WDR17: variants seen among roughly 807,000 people sequenced by gnomAD.
The protein encoded by WDR17 is WD repeat-containing protein 17.
Under a neutral mutation model 161.7 loss-of-function variants are expected in WDR17, and 143 were observed. That is an observed-to-expected ratio of 0.88 (90% CI 0.77 to 1.02). The LOEUF is 1.02. Among genes scored for constraint, WDR17 ranks in the 50% least tolerant of loss-of-function variants. The pLI is 0.00. For missense variants in WDR17, 1,469 were observed against 1,520.9 expected (o/e 0.97, Z 0.57); for synonymous variants, 517 against 515.6 (o/e 1.00, Z -0.04).
chr4:176,067,037 AG>A lies in WDR17; in HGVS notation c.-7+959del, dbSNP rs535517068. On this transcript the variant is annotated intron_variant, in intron 1 of 28. Transcript: ENST00000508596. ...AGAGTTTAAGCATTAATTTATTTGT[AG>A]ATTTATGCCTTATCATTACCCTGCT... 1.6e-3 allele frequency among the ~76,000 whole-genome samples: 244 copies of A among 152,326 alleles called. 1 individual carries two copies. Among genetic ancestry groups the A allele is most frequent in the African/African-American group, 4.8e-3 (199 of 41,586 alleles).
intron 2 of WDR17, among the ~76,000 whole-genome samples, chr4:176,112,909 A>G (rs1404199806): frequency 1.3e-5 from 2 of 152,136 alleles, no homozygotes. Flanking sequence ...TTTCATTACT[A>G]CATATTCGTA....
rs949542175 is a variant in WDR17, at chr4:176,111,483, A to G, written c.-6-92A>G. On this transcript the variant is annotated intron_variant, in intron 1 of 28. Transcript: ENST00000508596. ...ACTAGTAAAATGTTTTTCAGGGCAC[A>G]CAGGTAAGGGTTGGGGAAGATAGAT... is the stretch of plus-strand genomic sequence containing the variant. The G allele has an allele frequency of 8.0e-6, 11 of 1,374,414 alleles. No homozygotes were observed. In the African/African-American group the frequency reaches 1.6e-4, roughly 20 times the overall value. 85.1% of individuals were successfully genotyped at this position (1,374,414 alleles called of 1,614,324 possible). A position where few individuals can be genotyped will look rare whatever the true frequency, so the allele number is the denominator to read the frequency against.
At chr4:176,170,243 A>G (rs1022993655) in intron 23 of WDR17, among the ~76,000 whole-genome samples, 2 of 151,966 alleles carry the variant, frequency 1.3e-5, no homozygotes, top group African/African-American at 4.8e-5. Context: ...GGAAAAATTT[A>G]GTATATGTAC....
At chr4:176,072,848 G>A (rs1733417807) in intron 1 of WDR17, among the ~76,000 whole-genome samples, 1 of 152,094 alleles carries the variant, frequency 6.6e-6, no homozygotes, top group African/African-American at 2.4e-5. Flanking sequence ...ATAAAAGTGA[G>A]TTTCACAAAA....
intron 1 of WDR17, among the ~76,000 whole-genome samples, chr4:176,077,707 T>C (rs954744434): frequency 6.6e-6 from 1 of 152,090 alleles, no homozygotes; most frequent in Non-Finnish European, 1.5e-5. Context: ...TGGATGATTG[T>C]ATGTATCATT....
chr4:176,072,032 C>T (rs1385615), intron 1 of WDR17, among the ~76,000 whole-genome samples: 87,094 of 151,936 alleles, frequency 0.57, 25,523 homozygotes, highest in South Asian at 0.63. Flanking sequence ...ATAATGACCT[C>T]ATTCTTCTCT....
chr4:176,144,013 G>A (rs1745746748), intron 11 of WDR17, among the ~76,000 whole-genome samples: 1 of 152,048 alleles, frequency 6.6e-6, no homozygotes, highest in African/African-American at 2.4e-5. Context: ...CTCATTCCCA[G>A]GCTTGCTTTC....
chr4:176,145,030 T>G (rs1745940946), intron 11 of WDR17, among the ~76,000 whole-genome samples: 1 of 152,234 alleles, frequency 6.6e-6, no homozygotes, highest in Non-Finnish European at 1.5e-5. Flanking sequence ...CAAACTGCCG[T>G]ATTTCTACAT....
intron 1 of WDR17, among the ~76,000 whole-genome samples, chr4:176,097,925 CTA>C (rs1737166117): frequency 6.6e-6 from 1 of 151,910 alleles, no homozygotes; most frequent in South Asian, 2.1e-4. Flanking sequence ...CTTTATACTA[CTA>C]TGGGCCTTTA....
chr4:176,118,633 G>C (rs1343954267), intron 3 of WDR17, among the ~76,000 whole-genome samples: 2 of 152,062 alleles, frequency 1.3e-5, no homozygotes, highest in Non-Finnish European at 2.9e-5. Flanking sequence ...GGGAAATACT[G>C]CTTATTCCAT....
At chr4:176,135,336 T>A in intron 8 of WDR17, 60 bp downstream of exon 8, 3 of 1,550,722 alleles carry the variant, frequency 1.9e-6, no homozygotes, top group Non-Finnish European at 2.7e-6. Flanking sequence ...AGTTTTATTT[T>A]CATTTGAGTT....
chr4:176,122,882 T>C (rs1330663819), intron 4 of WDR17, among the ~76,000 whole-genome samples: 1 of 152,182 alleles, frequency 6.6e-6, no homozygotes, highest in Non-Finnish European at 1.5e-5. Flanking sequence ...TATACTTATG[T>C]GTGTGTATTG....
intron 1 of WDR17, chr4:176,068,090 T>C (rs1193282961): frequency 6.6e-6 from 1 of 152,226 alleles, no homozygotes; most frequent in African/African-American, 2.4e-5. Flanking sequence ...GATTACTGAA[T>C]TGTAATACTG....
intron 7 of WDR17, among the ~76,000 whole-genome samples, chr4:176,132,653 CTTAA>C (rs1230610173): frequency 1.3e-5 from 2 of 151,836 alleles, no homozygotes; most frequent in Admixed American, 6.6e-5. Context: ...TAATCTGTAG[CTTAA>C]TTATTTTTGA....
At chr4:176,106,658 A>G (rs1738774589) in intron 1 of WDR17, among the ~76,000 whole-genome samples, 1 of 152,220 alleles carries the variant, frequency 6.6e-6, no homozygotes, top group Non-Finnish European at 1.5e-5. Context: ...TTTGTGCATC[A>G]AAAGAAAAAC....
rs1740526764 is a variant in WDR17, at chr4:176,115,819, C to G, written c.147C>G (p.Phe49Leu). The G allele has an allele frequency of 3.7e-6, 6 of 1,605,564 alleles. No individual in the cohort carries two copies. The highest frequency in any genetic ancestry group is 5.1e-6 in the Non-Finnish European group (6 of 1,175,718). The stretch of plus-strand genomic sequence containing the variant: ...AGTTGGATCACCGTTATAATGAATT[C>G]AAACTTCACGCAATTATGTCTGAAC... ...IYQLDHRYNE[F>L]KLHAIMSEHK... The change falls in exon 3 of 29, where the codon TTC (phenylalanine) becomes TTG (leucine). Residue 49 changes from phenylalanine (F) to leucine (L), a missense_variant. Transcript: ENST00000508596.
chr4:176,076,660 T>A (rs1734080533), intron 1 of WDR17, among the ~76,000 whole-genome samples: 1 of 152,022 alleles, frequency 6.6e-6, no homozygotes, highest in Non-Finnish European at 1.5e-5. Flanking sequence ...TCTTTATTGC[T>A]CTTTAATGTG....
intron 5 of WDR17, 53 bp downstream of exon 5, chr4:176,125,408 T>A: frequency 6.4e-7 from 1 of 1,563,984 alleles, no homozygotes; most frequent in East Asian, 2.3e-5. Flanking sequence ...TATTCTTTCG[T>A]TGAATTTAGG....
chr4:176,100,671 A>G (rs1317664914), intron 1 of WDR17, among the ~76,000 whole-genome samples: 1 of 152,052 alleles, frequency 6.6e-6, no homozygotes, highest in South Asian at 2.1e-4. Flanking sequence ...ATGAATGTCC[A>G]TAAGAGTTTC....
Sources: gnomAD v4.1 joint callset for allele counts (sites outside exome capture counted in the v4.1 genomes callset) on GRCh38, gnomAD v4.1.1 for gene constraint, MANE v1.5 for transcripts, NCBI Gene and HGNC (gene_info 2026-07-23, HGNC 2026-07-21) for gene names.